Variants in SORCS2 observed in about 807,000 individuals in gnomAD.
SORCS2 encodes the protein sortilin related VPS10 domain containing receptor 2.
In SORCS2, 100 loss-of-function variants were observed where a neutral mutation model predicts 141.6. The observed-to-expected ratio is 0.71, with a 90% CI of 0.60 to 0.83. SORCS2 has a LOEUF of 0.83. Ranked by LOEUF, SORCS2 falls within the 40% of genes least tolerant of loss-of-function variation. The probability of loss-of-function intolerance (pLI) is 0.00; values close to 1 mark genes in which losing one functional copy is unlikely to be tolerated. For synonymous variants in SORCS2, 789 were observed against 676.9 expected (o/e 1.17, Z -2.57); for missense variants, 1,646 against 1,560.2 (o/e 1.05, Z -0.93).
intron 3 of SORCS2, among the ~76,000 whole-genome samples, chr4:7,540,554 A>G (rs1712545735): frequency 6.6e-6 from 1 of 152,200 alleles, no homozygotes; most frequent in African/African-American, 2.4e-5. Context: ...CGTTCTGAGC[A>G]GCGAGAGCCA....
Position 7,193,016 on chromosome 4 carries a change from G to C in SORCS2, c.370G>C (p.Ala124Pro). ...GCGCTGGGAGCGGGCGGCGCCGCTG[G>C]CCGGAGTGGCTTCGCGGGCGCAGGT... ...YRRWERAAPL[A>P]GVASRAQVSL... The change falls in exon 1 of 27, where the codon GCC becomes CCC. Residue 124 changes from alanine (A) to proline (P), a missense_variant. Coordinates refer to ENST00000507866, the MANE Select transcript of SORCS2 (RefSeq NM_020777.3). The surrounding 1 kb of genome is among the most constrained non-coding windows in gnomAD (Gnocchi z 4.8). 6.7e-7 allele frequency: 1 copy of C among 1,490,612 alleles called. No individual in the cohort carries two copies. Among genetic ancestry groups the C allele is most frequent in the Non-Finnish European group, 8.9e-7 (1 of 1,128,470 alleles). The allele number at this position is 1,490,612 out of a possible 1,614,324, so 92.3% of individuals were successfully genotyped here. A position where few individuals can be genotyped will look rare whatever the true frequency, so the allele number is the denominator to read the frequency against.
At chr4:7,463,271 C>G (rs999833979) in intron 2 of SORCS2, among the ~76,000 whole-genome samples, 2 of 152,088 alleles carry the variant, frequency 1.3e-5, no homozygotes, top group African/African-American at 4.8e-5. Context: ...CTGCACAGCC[C>G]GTTACTCAGA....
intron 3 of SORCS2, among the ~76,000 whole-genome samples, chr4:7,543,352 C>T (rs1712839285): frequency 6.6e-6 from 1 of 152,174 alleles, no homozygotes; most frequent in South Asian, 2.1e-4. Context: ...CTTATCCATC[C>T]TCCCACCCAC....
At chr4:7,542,180 C>A (rs528628038) in intron 3 of SORCS2, among the ~76,000 whole-genome samples, 9 of 152,148 alleles carry the variant, frequency 5.9e-5, no homozygotes, top group Non-Finnish European at 1.2e-4. Flanking sequence ...GTGTTCCTGC[C>A]CCGCCTGCCC....
chr4:7,507,943 A>C (rs565450680), intron 2 of SORCS2, among the ~76,000 whole-genome samples: 1 of 152,348 alleles, frequency 6.6e-6, no homozygotes, highest in South Asian at 2.1e-4. Context: ...CATAGCTGCC[A>C]AAAGAAAATG....
intron 2 of SORCS2, among the ~76,000 whole-genome samples, chr4:7,517,269 G>T (rs1733048191): frequency 1.3e-5 from 2 of 152,164 alleles, no homozygotes; most frequent in African/African-American, 2.4e-5. Flanking sequence ...AAAACTTTCA[G>T]CCGGGTTTCC....
At chr4:7,490,147 C>T (rs1270355291) in intron 2 of SORCS2, among the ~76,000 whole-genome samples, 1 of 152,156 alleles carries the variant, frequency 6.6e-6, no homozygotes, top group African/African-American at 2.4e-5. Context: ...TTGTTGCCTT[C>T]TGCAGAAGGG....
At position 7,725,193 on chromosome 4, in the gene SORCS2, T is replaced by C. The variant is rs1228797514; in HGVS notation, c.2651T>C (p.Ile884Thr). The C allele has an allele frequency of 2.5e-6, 4 of 1,613,578 alleles. No individual in the cohort carries two copies. Among genetic ancestry groups the C allele is most frequent in the East Asian group, 4.5e-5 (2 of 44,874 alleles). Residue 884 changes from isoleucine to threonine, a missense_variant, in exon 20 of 27, where the codon ATT becomes ACT. Physicochemically the swap from Ile to Thr is moderately conservative, Grantham distance 89 (BLOSUM62 -1). Coordinates refer to ENST00000507866, the MANE Select transcript of SORCS2 (RefSeq NM_020777.3). ...CTCTACCTGGAGGTGGTTCCTGTCA[T>C]TGGCCTCAACCAGGAGGTGAACCTC... is the stretch of plus-strand genomic sequence containing the variant. Reference protein sequence around the residue: ...QALYLEVVPVIGLNQEVNLTA... With the variant: ...QALYLEVVPVTGLNQEVNLTA...
chr4:7,624,719 A>G (rs1560435322), intron 3 of SORCS2, among the ~76,000 whole-genome samples: 1 of 152,256 alleles, frequency 6.6e-6, no homozygotes, highest in Non-Finnish European at 1.5e-5. Context: ...ATCCTGATAA[A>G]AGACAATCTT....
At chr4:7,619,631 A>C (rs146301430) in intron 3 of SORCS2, among the ~76,000 whole-genome samples, 2 of 152,282 alleles carry the variant, frequency 1.3e-5, no homozygotes, top group Non-Finnish European at 2.9e-5. Context: ...CTTGGGTGCC[A>C]GTGTCCCGAC....
chr4:7,724,627 A>ATGGTGGTGATGG (rs1560114310), intron 19 of SORCS2, among the ~76,000 whole-genome samples: 1 of 67,854 alleles, frequency 1.5e-5, no homozygotes, highest in Non-Finnish European at 3.1e-5. Flanking sequence ...GAGGATGGTG[A>ATGGTGGTGATGG]TGGTGGTGAT....
intron 3 of SORCS2, among the ~76,000 whole-genome samples, chr4:7,621,624 G>T (rs1022874514): frequency 6.6e-6 from 1 of 152,072 alleles, no homozygotes; most frequent in Non-Finnish European, 1.5e-5. Context: ...GGGGGTGGTG[G>T]TGATCAGATG....
intron 3 of SORCS2, among the ~76,000 whole-genome samples, chr4:7,568,424 C>G (rs960959499): frequency 2.6e-5 from 4 of 152,238 alleles, no homozygotes; most frequent in Admixed American, 2.0e-4. Flanking sequence ...TTCTTTCATT[C>G]TTCACCACTG....
At chr4:7,311,400 G>C (rs1718176101) in intron 1 of SORCS2, among the ~76,000 whole-genome samples, 1 of 152,190 alleles carries the variant, frequency 6.6e-6, no homozygotes, top group East Asian at 1.9e-4. Flanking sequence ...CTTTCGTGGA[G>C]ACACCTGTCT....
chr4:7,727,427 A>AC (rs33979747), intron 21 of SORCS2, among the ~76,000 whole-genome samples: 2,677 of 147,754 alleles, frequency 0.018, 49 homozygotes, highest in African/African-American at 0.044. Flanking sequence ...ACTGAAGGAG[A>AC]CCCCCCCCCC....
intron 1 of SORCS2, among the ~76,000 whole-genome samples, chr4:7,387,817 CAG>C (rs1447397187): frequency 2.4e-4 from 18 of 76,326 alleles, no homozygotes; most frequent in South Asian, 6.1e-4. Flanking sequence ...CACACAGATA[CAG>C]AGATACACAT....
chr4:7,532,808 TTTTTG>T (rs1335707920), intron 3 of SORCS2, among the ~76,000 whole-genome samples: 2 of 151,886 alleles, frequency 1.3e-5, no homozygotes, highest in African/African-American at 2.4e-5. Flanking sequence ...TGCTTTGCTG[TTTTTG>T]TTTTGTTTTG....
chr4:7,500,296 G>T (rs1731885498), intron 2 of SORCS2, among the ~76,000 whole-genome samples: 1 of 128,922 alleles, frequency 7.8e-6, no homozygotes, highest in African/African-American at 3.0e-5. Context: ...GGATAAGGTG[G>T]ATCAATACTC....
Position 7,579,706 on chromosome 4 carries a change from T to A in SORCS2, c.648+48077T>A, listed in dbSNP as rs9884644. On this transcript the variant is annotated intron_variant, in intron 3 of 26. Coordinates refer to ENST00000507866, the MANE Select transcript of SORCS2 (RefSeq NM_020777.3). ...TGCTTGTTCTGCTCTGGGCCTTGTG[T>A]GAAGCATTCAGTGTGCAGAGGTGGA... Among the ~76,000 whole-genome samples, 634 of 152,314 alleles carry A rather than the reference T, an allele frequency of 4.2e-3. 4 individuals carry two copies. Among genetic ancestry groups the A allele is most frequent in the African/African-American group, 0.014 (576 of 41,562 alleles).
Sources: gnomAD v4.1 joint callset for allele counts (sites outside exome capture counted in the v4.1 genomes callset) on GRCh38, gnomAD v4.1.1 for gene constraint, Gnocchi (gnomAD v3.1) non-coding constraint, MANE v1.5 for transcripts, NCBI Gene and HGNC (gene_info 2026-07-23, HGNC 2026-07-21) for gene names.